Variants in GALNT13 observed in about 807,000 individuals in gnomAD.
The protein encoded by GALNT13 is polypeptide N-acetylgalactosaminyltransferase 13, also known as UDP-GalNAc:polypeptide N-acetylgalactosaminyltransferase 13.
A neutral mutation model predicts 64.2 loss-of-function variants in GALNT13; 28 were observed. The ratio of observed to expected loss-of-function variants is 0.44; its 90% CI spans 0.32 to 0.60. The LOEUF is 0.60. Ranked by LOEUF, GALNT13 falls within the 20% of genes least tolerant of loss-of-function variation. The pLI, the probability that GALNT13 is intolerant of heterozygous loss-of-function variation, is 0.05. For synonymous variants in GALNT13, 214 were observed against 224.6 expected (o/e 0.95, Z 0.42); for missense variants, 577 against 669.8 (o/e 0.86, Z 1.53).
chr2:153,682,164 C>A, the GALNT13 span, among the ~76,000 whole-genome samples: 2 of 151,642 alleles, frequency 1.3e-5, no homozygotes, highest in South Asian at 4.2e-4. Context: ...CCATAGATGC[C>A]CCATAAATTA....
At chr2:153,959,017 C>T (rs925568490) in intron 3 of GALNT13, among the ~76,000 whole-genome samples, 4 of 152,220 alleles carry the variant, frequency 2.6e-5, no homozygotes, top group African/African-American at 9.7e-5. Flanking sequence ...AAGCAAGGCA[C>T]TTGTTAGAAA....
At chr2:154,151,514 A>G (rs1380088163) in intron 4 of GALNT13, among the ~76,000 whole-genome samples, 4 of 152,062 alleles carry the variant, frequency 2.6e-5, no homozygotes, top group Admixed American at 6.5e-5. Context: ...TGATCTGTCT[A>G]ATGTTGACAG....
chr2:154,282,859 C>G (rs1692038644), intron 8 of GALNT13, among the ~76,000 whole-genome samples: 1 of 152,126 alleles, frequency 6.6e-6, no homozygotes, highest in African/African-American at 2.4e-5. Flanking sequence ...GACTTCAACT[C>G]TAGCCACCAC....
At chr2:154,290,908 G>C (rs1033555630) in intron 8 of GALNT13, among the ~76,000 whole-genome samples, 10 of 151,806 alleles carry the variant, frequency 6.6e-5, no homozygotes, top group Non-Finnish European at 1.0e-4. Context: ...GGAGTTGTTT[G>C]CTCTTTCCGT....
chr2:154,126,672 A>T (rs1682297042), intron 3 of GALNT13, among the ~76,000 whole-genome samples: 2 of 152,084 alleles, frequency 1.3e-5, no homozygotes, highest in South Asian at 4.1e-4. Flanking sequence ...AAGAAAGAAA[A>T]GAAGAAATAA....
the GALNT13 span, among the ~76,000 whole-genome samples, chr2:153,324,102 T>C: frequency 6.6e-6 from 1 of 152,340 alleles, no homozygotes; most frequent in Non-Finnish European, 1.5e-5. Flanking sequence ...TTTCACAATA[T>C]TGATTCTTCT....
At chr2:153,715,132 C>T in the GALNT13 span, among the ~76,000 whole-genome samples, 23 of 152,326 alleles carry the variant, frequency 1.5e-4, no homozygotes, top group South Asian at 4.6e-3. Flanking sequence ...ACACTGGCCT[C>T]ACCTCAAAAT....
the GALNT13 span, among the ~76,000 whole-genome samples, chr2:153,659,117 A>T: frequency 6.6e-6 from 1 of 152,140 alleles, no homozygotes; most frequent in South Asian, 2.1e-4. Context: ...TTTTATGAAC[A>T]ATTTTGTATT....
At chr2:154,116,500 C>A (rs1050993761) in intron 3 of GALNT13, among the ~76,000 whole-genome samples, 15 of 152,158 alleles carry the variant, frequency 9.9e-5, no homozygotes, top group African/African-American at 3.6e-4. Context: ...GAGTTGCAAT[C>A]CCTGAGTTCA....
intron 4 of GALNT13, among the ~76,000 whole-genome samples, chr2:154,207,330 G>A (rs1396781762): frequency 2.6e-5 from 4 of 151,968 alleles, no homozygotes; most frequent in African/African-American, 9.7e-5. Context: ...GTCTCCTTTT[G>A]TTGCTCTCCT....
At chr2:154,298,526 A>AAAATTGTATATATTTATATAT (rs1574043069) in intron 8 of GALNT13, among the ~76,000 whole-genome samples, 8 of 88,220 alleles carry the variant, frequency 9.1e-5, no homozygotes, top group Non-Finnish European at 1.4e-4. Context: ...TATTATATAT[A>AAAATTGTATATATTTATATAT]AAATTGTATA....
chr2:154,035,749 TA>T (rs1298450140), intron 3 of GALNT13, among the ~76,000 whole-genome samples: 8 of 152,016 alleles, frequency 5.3e-5, no homozygotes, highest in Non-Finnish European at 4.4e-5. Context: ...ACATCATAAC[TA>T]AATATAACAA....
intron 4 of GALNT13, among the ~76,000 whole-genome samples, chr2:154,225,091 C>T (rs1464739932): frequency 4.4e-5 from 6 of 136,520 alleles, no homozygotes; most frequent in Non-Finnish European, 9.6e-5. Flanking sequence ...ACATTCACAA[C>T]ACACATGGAG....
intron 3 of GALNT13, among the ~76,000 whole-genome samples, chr2:154,121,604 A>C (rs1170062363): frequency 6.6e-6 from 1 of 152,130 alleles, no homozygotes; most frequent in Admixed American, 6.5e-5. Context: ...AAATATTAAG[A>C]GTACATTTAC....
chr2:154,399,921 A>G (rs753365916), intron 10 of GALNT13, among the ~76,000 whole-genome samples: 9 of 152,152 alleles, frequency 5.9e-5, no homozygotes, highest in African/African-American at 2.2e-4. Flanking sequence ...AAAAAACCTG[A>G]TACATTTAAC....
At chr2:153,434,916 C>T in the GALNT13 span, among the ~76,000 whole-genome samples, 1 of 152,222 alleles carries the variant, frequency 6.6e-6, no homozygotes, top group South Asian at 2.1e-4. Flanking sequence ...TGCCTATGTC[C>T]TGAATGGTAT....
the GALNT13 span, among the ~76,000 whole-genome samples, chr2:153,508,283 T>C: frequency 6.6e-6 from 1 of 152,186 alleles, no homozygotes; most frequent in Non-Finnish European, 1.5e-5. Flanking sequence ...CAAGAGATTA[T>C]GTCCTTTGTC....
chr2:153,416,884 G>C, the GALNT13 span, among the ~76,000 whole-genome samples: 1 of 152,160 alleles, frequency 6.6e-6, no homozygotes, highest in Non-Finnish European at 1.5e-5. Context: ...TCCTGAATCA[G>C]TTGTGGGCTG....
intron 3 of GALNT13, among the ~76,000 whole-genome samples, chr2:154,055,488 C>A (rs567177137): frequency 3.9e-4 from 59 of 152,100 alleles, no homozygotes; most frequent in African/African-American, 1.3e-3. Flanking sequence ...AATATATAAT[C>A]ATTAAAACTG....
Sources: gnomAD v4.1 joint callset for allele counts (sites outside exome capture counted in the v4.1 genomes callset) on GRCh38, gnomAD v4.1.1 for gene constraint, MANE v1.5 for transcripts, NCBI Gene and HGNC (gene_info 2026-07-23, HGNC 2026-07-21) for gene names.